The following ROBO2 variants were observed in gnomAD, a reference collection of about 807,000 sequenced individuals.
The protein encoded by ROBO2 is roundabout guidance receptor 2.
Under a neutral mutation model 160.8 loss-of-function variants are expected in ROBO2, and 53 were observed. The ratio of observed to expected loss-of-function variants is 0.33; its 90% CI spans 0.26 to 0.41. The LOEUF is 0.41. Among genes scored for constraint, ROBO2 ranks in the 10% least tolerant of loss-of-function variants. ROBO2 has a pLI of 1.00. For missense variants in ROBO2, 1,577 were observed against 1,722.4 expected, an observed-to-expected ratio of 0.92 and a Z score of 1.49; for synonymous variants, 664 against 611.7, an observed-to-expected ratio of 1.09 and a Z score of -1.26.
At chr3:77,494,884 A>C (rs2086594181) in intron 5 of ROBO2, among the ~76,000 whole-genome samples, 1 of 152,228 alleles carries the variant, frequency 6.6e-6, no homozygotes, top group Non-Finnish European at 1.5e-5. Flanking sequence ...AAGTGAAAAC[A>C]TTAATTCAGT....
At chr3:76,000,920 C>G (rs1031971598) in intron 2 of ROBO2, among the ~76,000 whole-genome samples, 2 of 152,084 alleles carry the variant, frequency 1.3e-5, no homozygotes, top group African/African-American at 4.8e-5. Flanking sequence ...CGAACTTAAT[C>G]TATTCATACT....
intron 2 of ROBO2, among the ~76,000 whole-genome samples, chr3:76,804,454 A>T (rs1353629446): frequency 6.6e-6 from 1 of 152,206 alleles, no homozygotes; most frequent in East Asian, 1.9e-4. Context: ...ACGATGTCAT[A>T]AATCAGAGGA....
chr3:76,147,003 G>C (rs1005914475), intron 2 of ROBO2, among the ~76,000 whole-genome samples: 1 of 150,912 alleles, frequency 6.6e-6, no homozygotes, highest in Non-Finnish European at 1.5e-5. Flanking sequence ...AGAAGATCAG[G>C]AAAAATAAGA....
intron 2 of ROBO2, among the ~76,000 whole-genome samples, chr3:77,247,900 G>A (rs1189719736): frequency 1.3e-5 from 2 of 152,128 alleles, no homozygotes; most frequent in African/African-American, 4.8e-5. Context: ...GGTCTCTGGC[G>A]AGGGCCCCAC....
At chr3:76,269,851 T>G (rs1707326289) in intron 2 of ROBO2, among the ~76,000 whole-genome samples, 1 of 152,046 alleles carries the variant, frequency 6.6e-6, no homozygotes, top group Non-Finnish European at 1.5e-5. Context: ...CATGGAACAT[T>G]AACATATATA....
At chr3:76,101,491 T>A (rs1166240567) in intron 2 of ROBO2, among the ~76,000 whole-genome samples, 1 of 151,974 alleles carries the variant, frequency 6.6e-6, no homozygotes, top group Non-Finnish European at 1.5e-5. Context: ...CATTTTGGAG[T>A]CATGATTTTA....
rs1347245397 is a variant in ROBO2, at chr3:77,057,569, A to T, written c.61+16723A>T. The stretch of plus-strand genomic sequence containing the variant: ...AGCTATACCTTTTAGATTCCAGAGG[A>T]TTTTTTTTTTTTTTTTTTTTGAGAT... On this transcript the variant is annotated intron_variant, in intron 1 of 25. Transcript: ENST00000461745. 1.6e-4 allele frequency among the ~76,000 whole-genome samples: 17 copies of T among 105,260 alleles called. 1 individual carries two copies. The highest frequency in any genetic ancestry group is 6.2e-4 in the East Asian group (2 of 3,214). 69.1% of individuals were successfully genotyped at this position (105,260 alleles called of 152,430 possible).
At chr3:76,780,816 A>G (rs753204358) in intron 2 of ROBO2, among the ~76,000 whole-genome samples, 6 of 150,350 alleles carry the variant, frequency 4.0e-5, no homozygotes, top group Admixed American at 6.7e-5. Context: ...TAATTACTAT[A>G]GCTTTGTAAT....
chr3:76,988,281 G>C (rs2060491995), intron 2 of ROBO2, among the ~76,000 whole-genome samples: 1 of 152,184 alleles, frequency 6.6e-6, no homozygotes, highest in South Asian at 2.1e-4. Context: ...TGATTAGAAA[G>C]AGGTCAGTAG....
At chr3:76,437,203 A>G (rs1364282104) in intron 2 of ROBO2, among the ~76,000 whole-genome samples, 5 of 152,200 alleles carry the variant, frequency 3.3e-5, no homozygotes, top group Admixed American at 1.3e-4. Context: ...AATTCGGTAT[A>G]GAATGGAGCT....
chr3:77,568,361 A>G (rs769287438), exon 13 of ROBO2: 17 of 1,613,040 alleles, frequency 1.1e-5, no homozygotes, highest in Non-Finnish European at 1.4e-5. Flanking sequence ...GTGCAGAAAG[A>G]GCTAGGAGAT....
At chr3:77,561,135 T>A (rs1412202657) in intron 9 of ROBO2, among the ~76,000 whole-genome samples, 1 of 152,140 alleles carries the variant, frequency 6.6e-6, no homozygotes, top group Non-Finnish European at 1.5e-5. Context: ...ATAATGGCAT[T>A]TAAAATCAAT....
rs529324013 is a variant in ROBO2, at chr3:76,978,724, A to T, written c.110-119290A>T. On this transcript the variant is annotated intron_variant, in intron 2 of 26. Coordinates refer to the ROBO2 transcript ENST00000487694. Reference sequence around the variant, plus strand: ...CGAGAAGAGAAATTGCAACCTTATAATAAATAGTGGAAATAAAATATGGGT... The same window carrying T: ...CGAGAAGAGAAATTGCAACCTTATATTAAATAGTGGAAATAAAATATGGGT... 1.1e-4 allele frequency among the ~76,000 whole-genome samples: 16 copies of T among 152,162 alleles called. No homozygotes were observed. In the South Asian group the frequency reaches 3.3e-3, roughly 31 times the overall value.
At chr3:76,607,020 G>T (rs189706241) in intron 2 of ROBO2, among the ~76,000 whole-genome samples, 56 of 152,202 alleles carry the variant, frequency 3.7e-4, no homozygotes, top group Non-Finnish European at 7.5e-4. Context: ...TTTAGAATTT[G>T]CTGCAAATTT....
intron 2 of ROBO2, among the ~76,000 whole-genome samples, chr3:76,915,817 G>C (rs2076270055): frequency 6.6e-6 from 1 of 152,102 alleles, no homozygotes; most frequent in Non-Finnish European, 1.5e-5. Context: ...CAAACCAGGA[G>C]GCCTAAACAG....
intron 2 of ROBO2, among the ~76,000 whole-genome samples, chr3:76,584,807 A>G (rs564472209): frequency 6.6e-6 from 1 of 152,284 alleles, no homozygotes; most frequent in East Asian, 1.9e-4. Context: ...GTGTATAGGA[A>G]CGACTTCTGT....
chr3:76,904,470 A>G (rs1430174289), intron 2 of ROBO2, among the ~76,000 whole-genome samples: 1 of 152,190 alleles, frequency 6.6e-6, no homozygotes, highest in Non-Finnish European at 1.5e-5. Context: ...ATAATATACT[A>G]GGGCTTAATA....
intron 2 of ROBO2, among the ~76,000 whole-genome samples, chr3:77,399,062 C>A (rs2075560667): frequency 6.6e-6 from 1 of 151,992 alleles, no homozygotes; most frequent in Non-Finnish European, 1.5e-5. Context: ...TTGAGAATTC[C>A]TTTGAAAAGA....
rs373681146 is a variant in ROBO2 at position 77,123,920 on chromosome 3, TTATC to T, written c.388+25584_388+25587del. On this transcript the variant is annotated intron_variant, in intron 2 of 25. Coordinates refer to ENST00000461745, the Ensembl canonical transcript of ROBO2. The stretch of plus-strand genomic sequence containing the variant: ...ATATCTATGTAGATAGATATATAGA[TTATC>T]TATATAGATACACTTGTATCTATAT... Among the ~76,000 whole-genome samples the T allele has an allele frequency of 4.1e-3, 533 of 129,204 alleles. 2 individuals are homozygous for T. The highest frequency in any genetic ancestry group is 0.013 in the African/African-American group (499 of 38,124). 84.8% of individuals were successfully genotyped at this position (129,204 alleles called of 152,430 possible). A position where few individuals can be genotyped will look rare whatever the true frequency, so the allele number is the denominator to read the frequency against.
Sources: gnomAD v4.1 joint callset for allele counts (sites outside exome capture counted in the v4.1 genomes callset) on GRCh38, gnomAD v4.1.1 for gene constraint, MANE v1.5 for transcripts, NCBI Gene and HGNC (gene_info 2026-07-23, HGNC 2026-07-21) for gene names.